PCNT: variants seen among roughly 807,000 people sequenced by gnomAD.
PCNT encodes pericentrin.
PCNT carries 319 observed loss-of-function variants against 380.4 expected under a neutral mutation model. The ratio of observed to expected loss-of-function variants is 0.84; its 90% CI spans 0.77 to 0.92. The LOEUF (loss-of-function observed/expected upper bound fraction) is 0.92, where lower values mean the gene tolerates loss of function less well. Among genes scored for constraint, PCNT ranks in the 40% least tolerant of loss-of-function variants. The probability of loss-of-function intolerance (pLI) is 0.00; values close to 1 mark genes in which losing one functional copy is unlikely to be tolerated. For missense variants in PCNT, 4,400 were observed against 4,255.3 expected, an observed-to-expected ratio of 1.03 and a Z score of -0.95; for synonymous variants, 1,845 against 1,735.2, an observed-to-expected ratio of 1.06 and a Z score of -1.57.
rs533696247 is a variant in PCNT at position 46,391,217 on chromosome 21, G to A, written c.4057G>A (p.Gly1353Arg). Residue 1353 changes from glycine to arginine, a missense_variant, in exon 21 of 47, where the codon GGG becomes AGG. Transcript: ENST00000359568. ...ETADLKEVLA[G>R]KEDSEHRLVL... ...AGCAGATCTGAAGGAGGTGCTGGCC[G>A]GGAAGGAGGATTCCGAGCACCGTCT... 7.5e-6 allele frequency: 12 copies of A among 1,609,604 alleles called. No individual in the cohort carries two copies. In the African/African-American group the frequency reaches 1.3e-4, roughly 18 times the overall value.
At chr21:46,432,309 G>T in intron 38 of PCNT, 94 bp downstream of exon 38, 1 of 1,258,244 alleles carries the variant, frequency 7.9e-7, no homozygotes, top group Non-Finnish European at 1.1e-6. Context: ...ATTTATGTCT[G>T]GCCCTCTGAC....
At chr21:46,367,224 G>C (rs1197819153) in intron 15 of PCNT, 85 bp downstream of exon 15, 1 of 1,183,958 alleles carries the variant, frequency 8.4e-7, no homozygotes, top group South Asian at 1.3e-5. Flanking sequence ...ATGTCTGCGT[G>C]CGTGCTGTGT....
rs2083399527 is a variant in PCNT at position 46,326,514 on chromosome 21, T to G, written c.192T>G (p.Cys64Trp). 1 of 1,614,100 alleles carries G rather than the reference T, an allele frequency of 6.2e-7. No homozygotes were observed. ...TAACCAAGGAGGACAGCGCACTCTG[T>G]GGAGGAGGGGACATTTGCAAAAGCA... ...SPVTKEDSAL[C>W]GGGDICKSTS... Residue 64 changes from cysteine (C) to tryptophan (W), a missense_variant, in exon 2 of 47, where the codon TGT (cysteine) becomes TGG (tryptophan). Transcript: ENST00000359568.
chr21:46,351,588 G>A, intron 9 of PCNT, 48 bp downstream of exon 9: 1 of 1,130,764 alleles, frequency 8.8e-7, no homozygotes, highest in Non-Finnish European at 1.4e-6. Flanking sequence ...CTGAAGCTGT[G>A]TGTTTTTCAT....
intron 2 of PCNT, among the ~76,000 whole-genome samples, chr21:46,330,411 A>G (rs2146298873): frequency 6.6e-6 from 1 of 152,188 alleles, no homozygotes; most frequent in South Asian, 2.1e-4. Flanking sequence ...GAGCCATCCC[A>G]CCTGGCTAAA....
intron 12 of PCNT, among the ~76,000 whole-genome samples, chr21:46,355,981 G>C (rs898404734): frequency 7.2e-5 from 11 of 152,210 alleles, no homozygotes; most frequent in Non-Finnish European, 1.3e-4. Flanking sequence ...CCAGGATCCT[G>C]CTCTGCTCCC....
Position 46,355,483 on chromosome 21 carries a change from A to G in PCNT, c.1793A>G (p.Glu598Gly). 6.2e-7 allele frequency: 1 copy of G among 1,614,028 alleles called. No individual in the cohort carries two copies. Among genetic ancestry groups the G allele is most frequent in the African/African-American group, 1.3e-5 (1 of 75,044 alleles). Residue 598 changes from glutamate (E) to glycine (G), a missense_variant, in exon 12 of 47, where the codon GAA becomes GGA. Physicochemically the swap from Glu to Gly is moderately conservative, Grantham distance 98. Transcript: ENST00000359568. Reference protein sequence around the residue: ...ESLPRFQAELEESHRHQLEAL... With the variant: ...ESLPRFQAELGESHRHQLEAL... ...CTGCCACGCTTCCAGGCGGAGTTAG[A>G]AGAAAGCCACAGGCACCAGCTGGAA...
Position 46,428,429 on chromosome 21 carries a change from G to A in PCNT, c.7529G>A (p.Arg2510His), listed in dbSNP as rs776343024. 6.0e-5 allele frequency: 97 copies of A among 1,612,432 alleles called. No individual in the cohort carries two copies. The highest frequency in any genetic ancestry group is 1.8e-4 in the South Asian group (16 of 91,006). ...CAGGAAAAGTCCCTGGAGCATCTTCGCTTGCCGGACCGGAGCAGCCTGCTG... is the reference window on the plus strand; with the variant it reads ...CAGGAAAAGTCCCTGGAGCATCTTCACTTGCCGGACCGGAGCAGCCTGCTG... The part of the protein sequence containing the change: ...DLQEKSLEHL[R>H]LPDRSSLLSE... Residue 2510 changes from arginine to histidine, a missense_variant, in exon 35 of 47, where the codon CGC becomes CAC. Physicochemically the swap from Arg to His is conservative, Grantham distance 29 (BLOSUM62 0). Coordinates refer to ENST00000359568, the MANE Select transcript of PCNT (RefSeq NM_006031.6).
intron 2 of PCNT, among the ~76,000 whole-genome samples, chr21:46,331,947 G>C (rs143908373): frequency 0.045 from 6,883 of 152,176 alleles, 226 homozygotes; most frequent in Non-Finnish European, 0.067. Context: ...ATCACCTGAG[G>C]TCAGGAGTTC....
chr21:46,400,512 C>CTTTTTT (rs1215264897), intron 25 of PCNT, among the ~76,000 whole-genome samples: 13 of 84,536 alleles, frequency 1.5e-4, no homozygotes, highest in Admixed American at 2.9e-4. Flanking sequence ...GTGTCTGATT[C>CTTTTTT]TTTTTTTTTT....
chr21:46,354,142 A>G (rs1239131460), intron 11 of PCNT, 74 bp downstream of exon 11: 38 of 1,312,474 alleles, frequency 2.9e-5, no homozygotes, highest in Non-Finnish European at 4.1e-5. Context: ...TCCACATTAT[A>G]GAGCCTGTGT....
rs181579118 is a variant in PCNT at position 46,350,859 on chromosome 21, G to A, written c.1345-570G>A. Among the ~76,000 whole-genome samples the A allele has an allele frequency of 1.1e-3, 163 of 152,250 alleles. No homozygotes were observed. The East Asian group carries it at 0.017, about 16-fold the overall frequency. On this transcript the variant is annotated intron_variant, in intron 8 of 46. Coordinates refer to ENST00000359568, the MANE Select transcript of PCNT (RefSeq NM_006031.6). Reference sequence around the variant, plus strand: ...ATGATTGGGAAAGGTAGGAGGAGCCGTTTCCATGAGGAGGACAGGCCAGCC... The same window carrying A: ...ATGATTGGGAAAGGTAGGAGGAGCCATTTCCATGAGGAGGACAGGCCAGCC...
chr21:46,375,835 C>T (rs1420581125), intron 15 of PCNT, among the ~76,000 whole-genome samples: 7 of 152,234 alleles, frequency 4.6e-5, no homozygotes, highest in South Asian at 2.1e-4. Flanking sequence ...GCAGGTCTGC[C>T]GAAGGCCTGA....
chr21:46,400,013 A>G (rs1441211448), intron 25 of PCNT, among the ~76,000 whole-genome samples: 3 of 152,240 alleles, frequency 2.0e-5, no homozygotes, highest in Non-Finnish European at 4.4e-5. Context: ...TATTTACTGT[A>G]GTAGGATTTA....
intron 27 of PCNT, among the ~76,000 whole-genome samples, chr21:46,404,487 C>T (rs1047993934): frequency 2.6e-5 from 4 of 152,208 alleles, no homozygotes; most frequent in Non-Finnish European, 5.9e-5. Context: ...CGGCGAGGTA[C>T]GCCACTCCCT....
intron 38 of PCNT, among the ~76,000 whole-genome samples, chr21:46,434,255 G>A (rs1239559628): frequency 2.0e-5 from 3 of 152,218 alleles, no homozygotes; most frequent in Non-Finnish European, 4.4e-5. Context: ...AAATAGAAAA[G>A]ATACTCATTC....
At position 46,427,693 on chromosome 21, in the gene PCNT, G is replaced by A; in HGVS notation, c.7392G>A (p.Glu2464=). 3.1e-6 allele frequency: 5 copies of A among 1,613,936 alleles called. No individual in the cohort carries two copies. The highest frequency in any genetic ancestry group is 4.2e-6 in the Non-Finnish European group (5 of 1,180,020). Residue 2464 remains glutamate, a synonymous_variant, in exon 34 of 47, where the codon GAG becomes GAA. Transcript: ENST00000359568. ...TTGTGCAAGAGGCCTTTGAAAAAGA[G>A]CAGGAGATGCAGGGGGTTGAGCTGC... is the stretch of plus-strand genomic sequence containing the variant. ...LQVVQEAFEK[E]QEMQGVELQP...
chr21:46,409,939 C>G (rs1215880618), intron 27 of PCNT, among the ~76,000 whole-genome samples: 1 of 152,240 alleles, frequency 6.6e-6, no homozygotes, highest in African/African-American at 2.4e-5. Flanking sequence ...TTAGAGCTAC[C>G]TTCGTATGCT....
Position 46,339,667 on chromosome 21 carries a change from T to A in PCNT, c.639+4899T>A, listed in dbSNP as rs551710117. Among the ~76,000 whole-genome samples, 7 of 152,308 alleles carry A rather than the reference T, an allele frequency of 4.6e-5. No homozygotes were observed. The South Asian group carries it at 1.4e-3, about 32-fold the overall frequency. On this transcript the variant is annotated intron_variant, in intron 3 of 46. Coordinates refer to ENST00000359568, the MANE Select transcript of PCNT (RefSeq NM_006031.6). ...TATTTTGGCCACACTGGCAGCTGATTAGATGGTGGCAACCCAGATTGAGGG... is the reference window on the plus strand; with the variant it reads ...TATTTTGGCCACACTGGCAGCTGATAAGATGGTGGCAACCCAGATTGAGGG...
Sources: gnomAD v4.1 joint callset for allele counts (sites outside exome capture counted in the v4.1 genomes callset) on GRCh38, gnomAD v4.1.1 for gene constraint, MANE v1.5 for transcripts, NCBI Gene and HGNC (gene_info 2026-07-23, HGNC 2026-07-21) for gene names.